Variants in PTPRR observed in about 807,000 individuals in gnomAD.
PTPRR encodes receptor-type tyrosine-protein phosphatase R.
In PTPRR, 38 loss-of-function variants were observed where a neutral mutation model predicts 77.2. The observed-to-expected ratio is 0.49, with a 90% confidence interval of 0.38 to 0.65. The LOEUF is 0.65. Ranked by LOEUF, PTPRR falls within the 30% of genes least tolerant of loss-of-function variation. The probability of loss-of-function intolerance (pLI) is 0.00; values close to 1 mark genes in which losing one functional copy is unlikely to be tolerated. For missense variants in PTPRR, 744 were observed against 799.2 expected (o/e 0.93, Z 0.83); for synonymous variants, 299 against 283.1 (o/e 1.06, Z -0.57).
At chr12:70,704,449 A>G (rs754082091) in intron 6 of PTPRR, among the ~76,000 whole-genome samples, 1 of 151,908 alleles carries the variant, frequency 6.6e-6, no homozygotes, top group Non-Finnish European at 1.5e-5. Context: ...AAATACATAA[A>G]TAACGAAAAA....
At chr12:70,758,793 T>A (rs557188872) in intron 4 of PTPRR, among the ~76,000 whole-genome samples, 1 of 152,304 alleles carries the variant, frequency 6.6e-6, no homozygotes, top group African/African-American at 2.4e-5. Context: ...TAGAACTATA[T>A]TCTTATTATC....
chr12:70,754,812 C>A, intron 4 of PTPRR: 5 of 1,058,600 alleles, frequency 4.7e-6, no homozygotes, highest in Non-Finnish European at 5.0e-6. Flanking sequence ...TTAATCACAT[C>A]TTTTTTTTTT....
chr12:70,656,600 A>G, intron 13 of PTPRR, 104 bp downstream of exon 13: 1 of 798,132 alleles, frequency 1.3e-6, no homozygotes, highest in African/African-American at 1.7e-5. Context: ...CTCTACAGAG[A>G]TTTAGGACCT....
chr12:70,768,243 A>C (rs909626977), intron 2 of PTPRR, among the ~76,000 whole-genome samples: 12 of 152,326 alleles, frequency 7.9e-5, no homozygotes, highest in African/African-American at 2.9e-4. Flanking sequence ...TTTTGAAAGG[A>C]TCAACAAAAT....
chr12:70,806,106 A>G (rs1891705126), intron 2 of PTPRR, among the ~76,000 whole-genome samples: 1 of 152,218 alleles, frequency 6.6e-6, no homozygotes, highest in African/African-American at 2.4e-5. Context: ...TGACCAACCA[A>G]CCAATTACAG....
intron 7 of PTPRR, among the ~76,000 whole-genome samples, chr12:70,700,397 G>T (rs895961057): frequency 6.6e-6 from 1 of 152,100 alleles, no homozygotes; most frequent in Admixed American, 6.5e-5. Context: ...TAGCAACACT[G>T]GTATGTCTAA....
At chr12:70,861,936 G>A (rs1892760128) in intron 2 of PTPRR, among the ~76,000 whole-genome samples, 2 of 152,204 alleles carry the variant, frequency 1.3e-5, no homozygotes, top group Admixed American at 1.3e-4. Context: ...ATGCTCAGAT[G>A]GTCATGCTCT....
intron 10 of PTPRR, among the ~76,000 whole-genome samples, chr12:70,679,093 T>G (rs749599399): frequency 6.6e-6 from 1 of 152,220 alleles, no homozygotes; most frequent in Non-Finnish European, 1.5e-5. Flanking sequence ...GAACAGCTTT[T>G]TCTGTATTCC....
At chr12:70,810,695 A>G (rs1316263535) in intron 2 of PTPRR, among the ~76,000 whole-genome samples, 1 of 152,166 alleles carries the variant, frequency 6.6e-6, no homozygotes, top group African/African-American at 2.4e-5. Flanking sequence ...TCTCAACTAG[A>G]ATGAGAATGC....
At chr12:70,763,096 T>G (rs1309920981) in intron 3 of PTPRR, among the ~76,000 whole-genome samples, 5 of 151,546 alleles carry the variant, frequency 3.3e-5, no homozygotes, top group Non-Finnish European at 5.9e-5. Context: ...ATATATTGTA[T>G]ATATATAAAA....
At chr12:70,709,963 A>G (rs1888764347) in intron 6 of PTPRR, among the ~76,000 whole-genome samples, 1 of 152,144 alleles carries the variant, frequency 6.6e-6, no homozygotes, top group Admixed American at 6.6e-5. Context: ...AATTAAGCCA[A>G]GTTTGTAAGA....
At chr12:70,672,856 G>C (rs945918054) in intron 10 of PTPRR, 2 of 1,559,092 alleles carry the variant, frequency 1.3e-6, no homozygotes, top group Admixed American at 3.4e-5. Flanking sequence ...CAGCAAGGTG[G>C]TGTGATGGCT....
At chr12:70,883,776 A>G (rs750447386) in intron 2 of PTPRR, among the ~76,000 whole-genome samples, 1 of 152,222 alleles carries the variant, frequency 6.6e-6, no homozygotes, top group African/African-American at 2.4e-5. Context: ...GTTAGGAAGC[A>G]GACTTTGATT....
rs1887632281 is a variant in PTPRR, at chr12:70,680,915, G to T, written c.1497+3212C>A. Among the ~76,000 whole-genome samples the T allele has an allele frequency of 2.0e-5, 3 of 152,128 alleles. No homozygotes were observed. In the South Asian group the frequency reaches 6.2e-4, roughly 32 times the overall value. On this transcript the variant is annotated intron_variant, in intron 10 of 13. Transcript: ENST00000283228. ...CACTGGTTTGGGTGGGACTCGCTTTGGAATGGTGCATTCGCTGGTGAGCAT... is the reference window on the plus strand; with the variant it reads ...CACTGGTTTGGGTGGGACTCGCTTTTGAATGGTGCATTCGCTGGTGAGCAT...
At chr12:70,689,325 A>G (rs1179316119) in intron 8 of PTPRR, among the ~76,000 whole-genome samples, 1 of 152,172 alleles carries the variant, frequency 6.6e-6, no homozygotes, top group Non-Finnish European at 1.5e-5. Context: ...TCAATTAAAA[A>G]TAAAATAAAA....
chr12:70,897,450 A>G (rs1893450291), intron 1 of PTPRR, among the ~76,000 whole-genome samples: 2 of 151,910 alleles, frequency 1.3e-5, no homozygotes, highest in African/African-American at 4.8e-5. Context: ...CAAAACCACA[A>G]TGAGATACCA....
At chr12:70,640,836 A>G (rs2136635165) in intron 13 of PTPRR, among the ~76,000 whole-genome samples, 1 of 152,322 alleles carries the variant, frequency 6.6e-6, no homozygotes, top group South Asian at 2.1e-4. Flanking sequence ...TTTTAAACTA[A>G]ACAGTGATTC....
chr12:70,724,785 G>A (rs1438388382), intron 6 of PTPRR, among the ~76,000 whole-genome samples: 3 of 152,034 alleles, frequency 2.0e-5, no homozygotes, highest in Non-Finnish European at 4.4e-5. Context: ...ATATATGTAT[G>A]TGTATGTAAG....
intron 8 of PTPRR, among the ~76,000 whole-genome samples, chr12:70,696,225 C>T (rs1371256793): frequency 2.7e-5 from 4 of 150,656 alleles, no homozygotes; most frequent in Middle Eastern, 3.4e-3. Context: ...ATTACTCAGT[C>T]CTCTCTGAAC....
Sources: gnomAD v4.1 joint callset for allele counts (sites outside exome capture counted in the v4.1 genomes callset) on GRCh38, gnomAD v4.1.1 for gene constraint, MANE v1.5 for transcripts, NCBI Gene and HGNC (gene_info 2026-07-23, HGNC 2026-07-21) for gene names.